Variants in STUB1 observed in about 807,000 individuals in gnomAD.
STUB1 encodes E3 ubiquitin-protein ligase CHIP.
Under a neutral mutation model 40.3 loss-of-function variants are expected in STUB1, and 37 were observed. The ratio of observed to expected loss-of-function variants is 0.92; its 90% confidence interval spans 0.71 to 1.21. STUB1 has a LOEUF of 1.21. STUB1 is among the 50% of genes most tolerant of loss of function. The pLI is 0.00. For synonymous variants in STUB1, 246 were observed against 171.9 expected, an observed-to-expected ratio of 1.43 and a Z score of -3.37; for missense variants, 460 against 421.9, an observed-to-expected ratio of 1.09 and a Z score of -0.79.
Position 681,868 on chromosome 16 carries a change from T to C in STUB1, c.600T>C (p.Ile200=), listed in dbSNP as rs746059653. ...DSHVRAQQAC[I]EAKHDKYMAD... ...ACGTCCGGGCCCAGCAGGCCTGCAT[T>C]GAGGCCAAGCACGTGAGGGTGCCCC... Residue 200 remains isoleucine (I), a synonymous_variant, in exon 4 of 7, where the codon ATT becomes ATC. Transcript: ENST00000219548. 15 of 1,612,734 alleles carry C rather than the reference T, an allele frequency of 9.3e-6. No individual in the cohort carries two copies. In the Admixed American group the frequency reaches 1.3e-4, roughly 14 times the overall value.
chr16:680,693 G>A lies in STUB1; in HGVS notation c.159+9G>A. 3.3e-6 allele frequency: 4 copies of A among 1,228,850 alleles called. No individual in the cohort carries two copies. In the African/African-American group the frequency reaches 6.3e-5, roughly 19 times the overall value. The allele number at this position is 1,228,850 out of a possible 1,614,324, so 76.1% of individuals were successfully genotyped here. A position where few individuals can be genotyped will look rare whatever the true frequency, so the allele number is the denominator to read the frequency against. On this transcript the variant is annotated intron_variant, in intron 1 of 6. Transcript: ENST00000219548. This position sits in a 1 kb window ranked among gnomAD's most constrained non-coding sequence, Gnocchi z 4.9. ...GCTACGGCCGCGCGATCGTGAGTGC[G>A]CCCGCGCGGGGAGGGCGGCGGCGGT...
Position 682,043 on chromosome 16 carries a change from C to T in STUB1, c.636C>T (p.Asp212=), listed in dbSNP as rs763996963. Residue 212 remains aspartate, a synonymous_variant, in exon 5 of 7, where the codon GAC becomes GAT. Transcript: ENST00000219548. ...AKHDKYMADM[D]ELFSQVDEKR... Reference sequence around the variant, plus strand: ...AGGACAAGTACATGGCGGACATGGACGAGCTTTTTTCTCAGGTGGATGAGA... The same window carrying T: ...AGGACAAGTACATGGCGGACATGGATGAGCTTTTTTCTCAGGTGGATGAGA... 76 of 1,588,744 alleles carry T rather than the reference C, an allele frequency of 4.8e-5. No homozygotes were observed. The highest frequency in any genetic ancestry group is 6.7e-5 in the African/African-American group (5 of 74,484).
Position 681,571 on chromosome 16 carries a change from C to T in STUB1, c.492C>T (p.Tyr164=), listed in dbSNP as rs767686737. The T allele has an allele frequency of 1.2e-6, 2 of 1,611,212 alleles. No homozygotes were observed. Among genetic ancestry groups the T allele is most frequent in the Admixed American group, 1.7e-5 (1 of 59,984 alleles). ...ACCAGGAGAGCGAGCTGCACTCCTA[C>T]CTCTCCAGGCTCATTGCCGCGGAGC... ...RIHQESELHS[Y]LSRLIAAERE... The change falls in exon 3 of 7, where the codon TAC becomes TAT. Residue 164 remains tyrosine, a synonymous_variant. Transcript: ENST00000219548.
Position 681,584 on chromosome 16 carries a change from A to T in STUB1, c.505A>T (p.Ile169Phe). The T allele has an allele frequency of 1.9e-6, 3 of 1,609,670 alleles. No homozygotes were observed. The highest frequency in any genetic ancestry group is 2.5e-6 in the Non-Finnish European group (3 of 1,178,614). The change falls in exon 3 of 7, where the codon ATT (isoleucine) becomes TTT (phenylalanine). Residue 169 changes from isoleucine to phenylalanine, a missense_variant. Coordinates refer to ENST00000219548, the MANE Select transcript of STUB1 (RefSeq NM_005861.4). ...SELHSYLSRL[I>F]AAERERELEE... ...GCTGCACTCCTACCTCTCCAGGCTC[A>T]TTGCCGCGGAGCGTGAGAGGTGGGA...
At position 682,171 on chromosome 16, in the gene STUB1, G is replaced by A. The variant is rs374219833; in HGVS notation, c.676G>A (p.Asp226Asn). The change falls in exon 6 of 7, where the codon GAC (aspartate) becomes AAC (asparagine). Residue 226 changes from aspartate to asparagine, a missense_variant. Transcript: ENST00000219548. Reference protein sequence around the residue: ...SQVDEKRKKRDIPDYLCGKIS... With the variant: ...SQVDEKRKKRNIPDYLCGKIS... ...GTGTGCCCCTGTGCCACAGAAGCGAGACATCCCCGACTACCTGTGTGGCAA... is the reference window on the plus strand; with the variant it reads ...GTGTGCCCCTGTGCCACAGAAGCGAAACATCCCCGACTACCTGTGTGGCAA... The A allele has an allele frequency of 2.8e-5, 45 of 1,606,098 alleles. No individual in the cohort carries two copies. The highest frequency in any genetic ancestry group is 3.8e-5 in the Non-Finnish European group (45 of 1,173,820).
At position 680,601 on chromosome 16, in the gene STUB1, G is replaced by A. The variant is rs774604020; in HGVS notation, c.76G>A (p.Ala26Thr). ...GGGSPEKSPS[A>T]QELKEQGNRL... ...CGGAAGCCCCGAGAAGAGCCCGAGC[G>A]CGCAGGAGCTCAAGGAGCAGGGCAA... is the stretch of plus-strand genomic sequence containing the variant. Residue 26 changes from alanine to threonine, a missense_variant, in exon 1 of 7, where the codon GCG becomes ACG. Coordinates refer to ENST00000219548, the MANE Select transcript of STUB1 (RefSeq NM_005861.4). This position sits in a 1 kb window ranked among gnomAD's most constrained non-coding sequence, Gnocchi z 4.9. 2 of 1,408,906 alleles carry A rather than the reference G, an allele frequency of 1.4e-6. No individual in the cohort carries two copies. Among genetic ancestry groups the A allele is most frequent in the Admixed American group, 2.6e-5 (1 of 38,136 alleles). The allele number at this position is 1,408,906 out of a possible 1,614,324, so 87.3% of individuals were successfully genotyped here.
chr16:682,099 C>T (rs377299643), intron 5 of STUB1, 23 bp downstream of exon 5: 23 of 1,581,602 alleles, frequency 1.5e-5, no homozygotes, highest in African/African-American at 6.7e-5. Context: ...CGCTTGCTGC[C>T]GATGGCTGGC....
At position 682,510 on chromosome 16, in the gene STUB1, G is replaced by A. The variant is rs572130289; in HGVS notation, c.*21G>A. 6.1e-5 allele frequency: 98 copies of A among 1,612,802 alleles called. 1 individual carries two copies. The highest frequency in any genetic ancestry group is 2.5e-4 in the South Asian group (23 of 91,058). On this transcript the variant is annotated 3_prime_UTR_variant, in exon 7 of 7. Transcript: ENST00000219548. ...ACTGAGGTTCCCTGCCCTACCTGGC[G>A]TCCTGGTCCAGGGGAGCCCTGGGCA...
At position 680,706 on chromosome 16, in the gene STUB1, G is replaced by A. The variant is rs757116930; in HGVS notation, c.159+22G>A. 4 of 1,210,894 alleles carry A rather than the reference G, an allele frequency of 3.3e-6. No homozygotes were observed. In the South Asian group the frequency reaches 1.2e-4, roughly 35 times the overall value. 75.0% of individuals were successfully genotyped at this position (1,210,894 alleles called of 1,614,324 possible). A position where few individuals can be genotyped will look rare whatever the true frequency, so the allele number is the denominator to read the frequency against. ...GATCGTGAGTGCGCCCGCGCGGGGAGGGCGGCGGCGGTGGCACCGGGGAGG... is the reference window on the plus strand; with the variant it reads ...GATCGTGAGTGCGCCCGCGCGGGGAAGGCGGCGGCGGTGGCACCGGGGAGG... On this transcript the variant is annotated intron_variant, in intron 1 of 6. Coordinates refer to ENST00000219548, the MANE Select transcript of STUB1 (RefSeq NM_005861.4). This position sits in a 1 kb window ranked among gnomAD's most constrained non-coding sequence, Gnocchi z 4.9.
In STUB1 at chr16:681,589, C is replaced by T. The variant is rs375049694; in HGVS notation, c.510C>T (p.Ala170=). ...ELHSYLSRLI[A]AERERELEEC... is the part of the protein sequence containing the mutation. The stretch of plus-strand genomic sequence containing the variant: ...ACTCCTACCTCTCCAGGCTCATTGC[C>T]GCGGAGCGTGAGAGGTGGGACCCTC... Residue 170 remains alanine, a synonymous_variant, in exon 3 of 7, where the codon GCC becomes GCT. Coordinates refer to ENST00000219548, the MANE Select transcript of STUB1 (RefSeq NM_005861.4). The T allele has an allele frequency of 9.9e-6, 16 of 1,608,830 alleles. No individual in the cohort carries two copies. Among genetic ancestry groups the T allele is most frequent in the South Asian group, 2.2e-5 (2 of 90,818 alleles).
Position 681,351 on chromosome 16 carries a change from G to T in STUB1, c.358+1G>T. Reference sequence around the variant, plus strand: ...GAGGCCATCGCCAATCTGCAGCGAGGTTGGCTGACAAGCTGCCCGGTTGTG... The same window carrying T: ...GAGGCCATCGCCAATCTGCAGCGAGTTTGGCTGACAAGCTGCCCGGTTGTG... On this transcript the variant is annotated splice_donor_variant, in intron 2 of 6. Transcript: ENST00000219548. LOFTEE classifies it high-confidence loss of function. The T allele has an allele frequency of 6.2e-7, 1 of 1,612,672 alleles. No homozygotes were observed.
In STUB1 at chr16:682,501, C is replaced by A. The variant is rs1381779960; in HGVS notation, c.*12C>A. The A allele has an allele frequency of 6.2e-7, 1 of 1,613,010 alleles. No homozygotes were observed. Among genetic ancestry groups the A allele is most frequent in the Non-Finnish European group, 8.5e-7 (1 of 1,179,930 alleles). ...TGGAGGACTACTGAGGTTCCCTGCCCTACCTGGCGTCCTGGTCCAGGGGAG... is the reference window on the plus strand; with the variant it reads ...TGGAGGACTACTGAGGTTCCCTGCCATACCTGGCGTCCTGGTCCAGGGGAG... On this transcript the variant is annotated 3_prime_UTR_variant, in exon 7 of 7. Coordinates refer to ENST00000219548, the MANE Select transcript of STUB1 (RefSeq NM_005861.4).
chr16:680,883 G>A lies in STUB1; in HGVS notation c.159+199G>A, dbSNP rs1213898435. On this transcript the variant is annotated intron_variant, in intron 1 of 6. Transcript: ENST00000219548. The surrounding 1 kb of genome is among the most constrained non-coding windows in gnomAD (Gnocchi z 4.9). ...TGGATGGAGGCCGGCCGGGTGGGGG[G>A]AGGGCAGGGGCCCTCGACCCTTGAG... 1.8e-5 allele frequency: 10 copies of A among 556,224 alleles called. No individual in the cohort carries two copies. The highest frequency in any genetic ancestry group is 1.6e-4 in the East Asian group (4 of 25,234). The allele number at this position is 556,224 out of a possible 1,614,324, so 34.5% of individuals were successfully genotyped here. A position where few individuals can be genotyped will look rare whatever the true frequency, so the allele number is the denominator to read the frequency against.
chr16:680,423 GC>G lies in STUB1; in HGVS notation c.-100del, dbSNP rs1313063434. On this transcript the variant is annotated 5_prime_UTR_variant, in exon 1 of 7. Coordinates refer to ENST00000219548, the MANE Select transcript of STUB1 (RefSeq NM_005861.4). The surrounding 1 kb of genome is among the most constrained non-coding windows in gnomAD (Gnocchi z 4.9). ...AGTTCCGGCGGCGGAGCTGGGCCGG[GC>G]CCGAGCGGATCGCGGGCTCGGGCTG... 1.9e-6 allele frequency: 2 copies of G among 1,062,280 alleles called. No homozygotes were observed. Among genetic ancestry groups the G allele is most frequent in the Non-Finnish European group, 2.3e-6 (2 of 863,192 alleles). The allele number at this position is 1,062,280 out of a possible 1,614,324, so 65.8% of individuals were successfully genotyped here.
chr16:680,694 C>T lies in STUB1; in HGVS notation c.159+10C>T. The T allele has an allele frequency of 8.1e-7, 1 of 1,229,704 alleles. No individual in the cohort carries two copies. The highest frequency in any genetic ancestry group is 1.0e-6 in the Non-Finnish European group (1 of 979,778). 76.2% of individuals were successfully genotyped at this position (1,229,704 alleles called of 1,614,324 possible). Reference sequence around the variant, plus strand: ...CTACGGCCGCGCGATCGTGAGTGCGCCCGCGCGGGGAGGGCGGCGGCGGTG... The same window carrying T: ...CTACGGCCGCGCGATCGTGAGTGCGTCCGCGCGGGGAGGGCGGCGGCGGTG... On this transcript the variant is annotated intron_variant, in intron 1 of 6. Coordinates refer to ENST00000219548, the MANE Select transcript of STUB1 (RefSeq NM_005861.4). The surrounding 1 kb of genome is among the most constrained non-coding windows in gnomAD (Gnocchi z 4.9).
At chr16:681,953 G>C in intron 4 of STUB1, 67 bp from the exon 5 acceptor site, 1 of 1,612,714 alleles carries the variant, frequency 6.2e-7, no homozygotes, top group Non-Finnish European at 8.5e-7. Flanking sequence ...GCCTTGTGTT[G>C]GGTCTGTGCC....
chr16:680,576 C>T lies in STUB1; in HGVS notation c.51C>T (p.Gly17=). ...KEGGARLGAG[G]GSPEKSPSAQ... is the part of the protein sequence containing the mutation. Reference sequence around the variant, plus strand: ...GCGGCGCACGGCTGGGCGCTGGCGGCGGAAGCCCCGAGAAGAGCCCGAGCG... The same window carrying T: ...GCGGCGCACGGCTGGGCGCTGGCGGTGGAAGCCCCGAGAAGAGCCCGAGCG... The change falls in exon 1 of 7, where the codon GGC becomes GGT. Residue 17 remains glycine, a synonymous_variant. Coordinates refer to ENST00000219548, the MANE Select transcript of STUB1 (RefSeq NM_005861.4). The surrounding 1 kb of genome is among the most constrained non-coding windows in gnomAD (Gnocchi z 4.9). 3 of 1,384,238 alleles carry T rather than the reference C, an allele frequency of 2.2e-6. No individual in the cohort carries two copies. The highest frequency in any genetic ancestry group is 5.7e-5 in the Admixed American group (2 of 34,862). The allele number at this position is 1,384,238 out of a possible 1,614,324, so 85.7% of individuals were successfully genotyped here.
In STUB1 at chr16:682,701, G is replaced by A. The variant is rs1225780291; in HGVS notation, c.*212G>A. On this transcript the variant is annotated 3_prime_UTR_variant, in exon 7 of 7. Coordinates refer to ENST00000219548, the MANE Select transcript of STUB1 (RefSeq NM_005861.4). ...AAAGCAGGTGAGGGTGGGCTGGGCT[G>A]AGGCCATTGCCGCCACTATCTGTGT... is the stretch of plus-strand genomic sequence containing the variant. 2.0e-6 allele frequency: 3 copies of A among 1,483,916 alleles called. No individual in the cohort carries two copies. Among genetic ancestry groups the A allele is most frequent in the Middle Eastern group, 1.7e-4 (1 of 5,756 alleles). 91.9% of individuals were successfully genotyped at this position (1,483,916 alleles called of 1,614,324 possible).
At position 682,217 on chromosome 16, in the gene STUB1, G is replaced by C. The variant is rs571293928; in HGVS notation, c.722G>C (p.Arg241Pro). ...LCGKISFELM[R>P]EPCITPSGIT... Reference sequence around the variant, plus strand: ...GGCAAGATCAGCTTTGAGCTGATGCGGGAGCCGTGCATCACGCCCAGTGGC... The same window carrying C: ...GGCAAGATCAGCTTTGAGCTGATGCCGGAGCCGTGCATCACGCCCAGTGGC... Residue 241 changes from arginine (R) to proline (P), a missense_variant, in exon 6 of 7, where the codon CGG becomes CCG. Coordinates refer to ENST00000219548, the MANE Select transcript of STUB1 (RefSeq NM_005861.4). The C allele has an allele frequency of 6.2e-7, 1 of 1,612,980 alleles. No homozygotes were observed. Among genetic ancestry groups the C allele is most frequent in the Non-Finnish European group, 8.5e-7 (1 of 1,179,846 alleles).
Sources: allele counts gnomAD v4.1 joint callset, GRCh38; gene constraint gnomAD v4.1.1; non-coding constraint Gnocchi (gnomAD v3.1); transcripts MANE v1.5; gene names NCBI Gene and HGNC (gene_info 2026-07-23, HGNC 2026-07-21).